NDFIP2: variants seen among roughly 807,000 people sequenced by gnomAD.
The protein encoded by NDFIP2 is NEDD4 family-interacting protein 2.
Under a neutral mutation model 36.0 loss-of-function variants are expected in NDFIP2, and 19 were observed. The ratio of observed to expected loss-of-function variants is 0.53; its 90% CI spans 0.37 to 0.77. The LOEUF is 0.77. Among genes scored for constraint, NDFIP2 ranks in the 30% least tolerant of loss-of-function variants. The probability of loss-of-function intolerance (pLI) is 0.00; values close to 1 mark genes in which losing one functional copy is unlikely to be tolerated. For missense variants in NDFIP2, 446 were observed against 435.8 expected, an observed-to-expected ratio of 1.02 and a Z score of -0.21; for synonymous variants, 181 against 167.7, an observed-to-expected ratio of 1.08 and a Z score of -0.61.
At chr13:79,550,867 T>C (rs542664915) in intron 6 of NDFIP2, 150 bp from the exon 7 acceptor site, 36 of 483,988 alleles carry the variant, frequency 7.4e-5, no homozygotes, top group Middle Eastern at 1.2e-3. Context: ...TTTATCCTTA[T>C]AGTGTAAAAT....
At chr13:79,513,861 A>T (rs191873228) in intron 1 of NDFIP2, among the ~76,000 whole-genome samples, 2 of 152,180 alleles carry the variant, frequency 1.3e-5, no homozygotes, top group African/African-American at 4.8e-5. Context: ...GGTAAATAGA[A>T]TTTTGAAGAG....
At chr13:79,520,710 G>T in intron 1 of NDFIP2, 100 bp from the exon 2 acceptor site, 1 of 1,112,636 alleles carries the variant, frequency 9.0e-7, no homozygotes, top group Non-Finnish European at 1.2e-6. Context: ...CTTTGTGTTT[G>T]GCCAAAAAGC....
intron 2 of NDFIP2, among the ~76,000 whole-genome samples, 197 bp downstream of exon 2, chr13:79,521,172 C>T (rs1324636922): frequency 2.0e-5 from 3 of 151,652 alleles, no homozygotes; most frequent in Admixed American, 6.6e-5. Flanking sequence ...TATATGTGTA[C>T]GTACTTATAT....
intron 2 of NDFIP2, among the ~76,000 whole-genome samples, chr13:79,527,097 A>G (rs907826301): frequency 1.3e-5 from 2 of 152,168 alleles, no homozygotes; most frequent in African/African-American, 4.8e-5. Flanking sequence ...ACAAATAGAA[A>G]CCTAGCATAT....
chr13:79,498,540 T>TC (rs1408868265), intron 1 of NDFIP2, among the ~76,000 whole-genome samples: 1 of 152,030 alleles, frequency 6.6e-6, no homozygotes, highest in Non-Finnish European at 1.5e-5. Flanking sequence ...TTTCTCATAG[T>TC]TCTGGATGCT....
At chr13:79,520,100 C>G (rs530069290) in intron 1 of NDFIP2, among the ~76,000 whole-genome samples, 49 of 152,296 alleles carry the variant, frequency 3.2e-4, no homozygotes, top group African/African-American at 1.2e-3. Context: ...TGTGCCCAGC[C>G]TTGCTTTAAT....
chr13:79,485,122 C>T (rs1872914701), intron 1 of NDFIP2, among the ~76,000 whole-genome samples: 1 of 152,140 alleles, frequency 6.6e-6, no homozygotes, highest in African/African-American at 2.4e-5. Flanking sequence ...CCAAATTCCA[C>T]AGAGGGGCTG....
In NDFIP2 at chr13:79,553,194, A is replaced by G. The variant is rs1875971986; in HGVS notation, c.*681A>G. The stretch of plus-strand genomic sequence containing the variant: ...GAACTAAATATATATGTGTATATGT[A>G]TACACATATATATACACACACACAT... On this transcript the variant is annotated 3_prime_UTR_variant, in exon 8 of 8. Coordinates refer to ENST00000218652, the MANE Select transcript of NDFIP2 (RefSeq NM_019080.3). The G allele has an allele frequency of 2.0e-5, 3 of 151,160 alleles. No individual in the cohort carries two copies. Among genetic ancestry groups the G allele is most frequent in the African/African-American group, 4.8e-5 (2 of 41,368 alleles). 9.4% of individuals were successfully genotyped at this position (151,160 alleles called of 1,614,324 possible).
At chr13:79,509,684 T>G (rs1280194012) in intron 1 of NDFIP2, among the ~76,000 whole-genome samples, 2 of 73,902 alleles carry the variant, frequency 2.7e-5, no homozygotes, top group Admixed American at 3.2e-4. Flanking sequence ...TCGATATATA[T>G]ATATATAGAG....
chr13:79,539,747 T>C lies in NDFIP2; in HGVS notation c.687T>C (p.Asn229=). 2 of 1,613,800 alleles carry C rather than the reference T, an allele frequency of 1.2e-6. No homozygotes were observed. Among genetic ancestry groups the C allele is most frequent in the Non-Finnish European group, 8.5e-7 (1 of 1,179,808 alleles). Residue 229 remains asparagine (N), a synonymous_variant, in exon 4 of 8, where the codon AAT becomes AAC. Transcript: ENST00000218652. ...ATGCAGACCAGCTCAGAGTGGGGAA[T>C]GATGGCATTTTCATGCTGGCATTTT... The part of the protein sequence containing the change: ...FSDADQLRVG[N]DGIFMLAFFM...
At chr13:79,510,215 G>A (rs9565510) in intron 1 of NDFIP2, among the ~76,000 whole-genome samples, 59,618 of 151,606 alleles carry the variant, frequency 0.39, 12,857 homozygotes, top group East Asian at 0.7. Context: ...TTTTTGACAG[G>A]CAGAAGTCCT....
At chr13:79,502,718 TG>T (rs1425614683) in intron 1 of NDFIP2, among the ~76,000 whole-genome samples, 1 of 152,156 alleles carries the variant, frequency 6.6e-6, no homozygotes, top group African/African-American at 2.4e-5. Context: ...GCGAGACGTT[TG>T]GGTGAAAGCC....
chr13:79,539,052 C>T (rs1188914682), intron 3 of NDFIP2, among the ~76,000 whole-genome samples: 1 of 141,252 alleles, frequency 7.1e-6, no homozygotes, highest in Non-Finnish European at 1.6e-5. Context: ...GCCACCAATG[C>T]CTCTACCTGG....
rs572655587 is a variant in NDFIP2, at chr13:79,552,720, A to G, written c.*207A>G. On this transcript the variant is annotated 3_prime_UTR_variant, in exon 8 of 8. Coordinates refer to ENST00000218652, the MANE Select transcript of NDFIP2 (RefSeq NM_019080.3). ...AGTATCTATATTTCATTTGTTTTGC[A>G]CATATGCATATGTGCCCATTTAAGA... The G allele has an allele frequency of 6.6e-6, 1 of 152,002 alleles. No homozygotes were observed. Among genetic ancestry groups the G allele is most frequent in the South Asian group, 2.1e-4 (1 of 4,826 alleles). 9.4% of individuals were successfully genotyped at this position (152,002 alleles called of 1,614,324 possible).
intron 3 of NDFIP2, among the ~76,000 whole-genome samples, chr13:79,538,267 T>A (rs553689067): frequency 6.6e-6 from 1 of 152,226 alleles, no homozygotes; most frequent in African/African-American, 2.4e-5. Flanking sequence ...AACCATATAA[T>A]TCTGTCCCTG....
rs3814278 is a variant in NDFIP2 at position 79,481,276 on chromosome 13, G to A, written c.73G>A (p.Glu25Lys). Reference sequence around the variant, plus strand: ...GCTCAATAGCGCGCGCGGCGCCCCGGAGCTTCTCCGCGGAACCGCGACCAA... The same window carrying A: ...GCTCAATAGCGCGCGCGGCGCCCCGAAGCTTCTCCGCGGAACCGCGACCAA... The part of the protein sequence containing the change: ...SMLNSARGAP[E>K]LLRGTATNAE... Residue 25 changes from glutamate (E) to lysine (K), a missense_variant, in exon 1 of 8, where the codon GAG (glutamate) becomes AAG (lysine). Coordinates refer to ENST00000218652, the MANE Select transcript of NDFIP2 (RefSeq NM_019080.3). 48 of 1,537,612 alleles carry A rather than the reference G, an allele frequency of 3.1e-5. No individual in the cohort carries two copies. In the East Asian group the frequency reaches 1.0e-3, roughly 33 times the overall value.
intron 2 of NDFIP2, among the ~76,000 whole-genome samples, chr13:79,532,055 C>T (rs938494118): frequency 2.0e-5 from 3 of 152,204 alleles, no homozygotes; most frequent in Non-Finnish European, 4.4e-5. Context: ...TTCCTGTGTT[C>T]TATGGGCACA....
At chr13:79,539,136 T>C (rs1330849597) in intron 3 of NDFIP2, among the ~76,000 whole-genome samples, 4 of 152,210 alleles carry the variant, frequency 2.6e-5, no homozygotes, top group Non-Finnish European at 4.4e-5. Flanking sequence ...GGCATTTAGA[T>C]TGTATCTAAT....
At chr13:79,522,840 A>G (rs556073141) in intron 2 of NDFIP2, among the ~76,000 whole-genome samples, 23 of 152,360 alleles carry the variant, frequency 1.5e-4, no homozygotes, top group African/African-American at 5.5e-4. Context: ...GTCACATGGT[A>G]TCCCTTATGC....
Sources: gnomAD v4.1 joint callset for allele counts (sites outside exome capture counted in the v4.1 genomes callset) on GRCh38, gnomAD v4.1.1 for gene constraint, MANE v1.5 for transcripts, NCBI Gene and HGNC (gene_info 2026-07-23, HGNC 2026-07-21) for gene names.